Variants in DPP10 observed in about 807,000 individuals in gnomAD.
The protein encoded by DPP10 is dipeptidyl peptidase like 10, also known as inactive dipeptidyl peptidase 10.
In DPP10, 33 loss-of-function variants were observed where a neutral mutation model predicts 120.9. The observed-to-expected ratio is 0.27, with a 90% CI of 0.21 to 0.37. The LOEUF (loss-of-function observed/expected upper bound fraction) is 0.37, where lower values mean the gene tolerates loss of function less well. DPP10 is among the 10% of genes least tolerant of loss of function. The pLI is 1.00. For missense variants in DPP10, 816 were observed against 942.8 expected (o/e 0.87, Z 1.76); for synonymous variants, 337 against 326.1 (o/e 1.03, Z -0.36).
At chr2:115,323,750 G>C (rs906300866) in intron 2 of DPP10, among the ~76,000 whole-genome samples, 1 of 152,154 alleles carries the variant, frequency 6.6e-6, no homozygotes, top group Non-Finnish European at 1.5e-5. Context: ...GGGTAACCAG[G>C]TGTATTGTCA....
chr2:115,020,790 T>C (rs1050145505), intron 1 of DPP10, among the ~76,000 whole-genome samples: 1 of 152,076 alleles, frequency 6.6e-6, no homozygotes, highest in Non-Finnish European at 1.5e-5. Context: ...TCACAGTAAA[T>C]TTAAGAAAAC....
intron 1 of DPP10, among the ~76,000 whole-genome samples, chr2:115,022,645 A>G (rs189429274): frequency 7.6e-4 from 115 of 152,176 alleles, no homozygotes; most frequent in African/African-American, 2.2e-3. Flanking sequence ...AACTAGAAAA[A>G]ACAACCCTAA....
chr2:114,962,673 G>A (rs549651857), intron 1 of DPP10, among the ~76,000 whole-genome samples: 4 of 152,278 alleles, frequency 2.6e-5, no homozygotes, highest in East Asian at 1.9e-4. Context: ...AAGTAACCAC[G>A]GCCTATCTCA....
At chr2:114,882,812 T>C (rs1208459172) in intron 1 of DPP10, among the ~76,000 whole-genome samples, 1 of 152,028 alleles carries the variant, frequency 6.6e-6, no homozygotes, top group Non-Finnish European at 1.5e-5. Context: ...AAGCCAAGAC[T>C]AGGAAAAATA....
intron 1 of DPP10, among the ~76,000 whole-genome samples, chr2:114,844,512 A>G (rs1688398575): frequency 6.6e-6 from 1 of 151,868 alleles, no homozygotes; most frequent in Non-Finnish European, 1.5e-5. Context: ...TGTTATTTGT[A>G]TATATTTGCA....
At chr2:115,402,128 A>T (rs2068114983) in intron 3 of DPP10, among the ~76,000 whole-genome samples, 1 of 152,174 alleles carries the variant, frequency 6.6e-6, no homozygotes, top group South Asian at 2.1e-4. Flanking sequence ...TTAAGACTTC[A>T]GATGTTTCAC....
intron 5 of DPP10, among the ~76,000 whole-genome samples, chr2:115,571,782 C>A (rs1240660469): frequency 1.3e-5 from 2 of 151,132 alleles, no homozygotes; most frequent in Admixed American, 6.6e-5. Flanking sequence ...CAAAAATCAC[C>A]CATAGTCTCA....
intron 1 of DPP10, among the ~76,000 whole-genome samples, chr2:114,680,841 C>T (rs1698979407): frequency 6.6e-6 from 1 of 151,882 alleles, no homozygotes; most frequent in South Asian, 2.1e-4. Context: ...CTAGAAAAAC[C>T]ATGTGACTAA....
rs547211837 is a variant in DPP10 at position 114,731,934 on chromosome 2, A to T, written c.60+289096A>T. Among the ~76,000 whole-genome samples the T allele has an allele frequency of 1.2e-4, 18 of 152,258 alleles. No homozygotes were observed. The South Asian group carries it at 3.7e-3, about 32-fold the overall frequency. On this transcript the variant is annotated intron_variant, in intron 1 of 25. Transcript: ENST00000410059. ...CATGTGGAGTATGGGACTCAGTAGG[A>T]TGAGCCTGGTCAATTGTTATCTATT...
chr2:114,870,085 C>T (rs758175185), intron 1 of DPP10, among the ~76,000 whole-genome samples: 1 of 152,142 alleles, frequency 6.6e-6, no homozygotes, highest in Non-Finnish European at 1.5e-5. Context: ...CTGGTTCTCT[C>T]ACTATACTTG....
intron 1 of DPP10, among the ~76,000 whole-genome samples, chr2:115,271,016 T>C (rs1359479189): frequency 6.6e-6 from 1 of 152,202 alleles, no homozygotes; most frequent in Non-Finnish European, 1.5e-5. Context: ...GACCAGTACC[T>C]TCAAAACTAG....
chr2:115,131,484 G>C (rs545863527), intron 1 of DPP10, among the ~76,000 whole-genome samples: 31 of 152,256 alleles, frequency 2.0e-4, no homozygotes, highest in African/African-American at 7.5e-4. Flanking sequence ...CTGTGCACCT[G>C]CCTGGGCCAT....
intron 19 of DPP10, among the ~76,000 whole-genome samples, chr2:115,804,917 C>G (rs1476565186): frequency 6.6e-6 from 1 of 152,226 alleles, no homozygotes; most frequent in Non-Finnish European, 1.5e-5. Context: ...GTTCTCAGAT[C>G]TCAAGCTGCA....
intron 4 of DPP10, among the ~76,000 whole-genome samples, chr2:115,521,307 A>C (rs555198524): frequency 6.6e-6 from 1 of 152,308 alleles, no homozygotes; most frequent in African/African-American, 2.4e-5. Flanking sequence ...CGTGGAACAT[A>C]AACTTTCATC....
intron 1 of DPP10, among the ~76,000 whole-genome samples, chr2:114,494,267 A>G (rs929838101): frequency 1.3e-5 from 2 of 152,182 alleles, no homozygotes; most frequent in Non-Finnish European, 2.9e-5. Flanking sequence ...TAAAATGGGA[A>G]TAATAATATT....
chr2:115,710,890 T>C (rs1439529863), intron 7 of DPP10, among the ~76,000 whole-genome samples: 4 of 152,058 alleles, frequency 2.6e-5, no homozygotes, highest in Non-Finnish European at 4.4e-5. Flanking sequence ...TTCAATAATA[T>C]AGTTAATAAA....
At chr2:115,397,078 T>C (rs2067736702) in intron 3 of DPP10, among the ~76,000 whole-genome samples, 1 of 152,244 alleles carries the variant, frequency 6.6e-6, no homozygotes, top group Non-Finnish European at 1.5e-5. Context: ...CCTTAGATAG[T>C]TTAAGATGAA....
chr2:115,425,790 A>C (rs1026387921), intron 3 of DPP10, among the ~76,000 whole-genome samples: 1 of 152,182 alleles, frequency 6.6e-6, no homozygotes, highest in African/African-American at 2.4e-5. Context: ...GGATCTGCAG[A>C]GTGTACAAGC....
At chr2:115,335,191 G>A (rs1215321568) in intron 2 of DPP10, among the ~76,000 whole-genome samples, 1 of 151,928 alleles carries the variant, frequency 6.6e-6, no homozygotes, top group Non-Finnish European at 1.5e-5. Flanking sequence ...AACAGTGAAG[G>A]AAAGACCTGA....
Sources: allele counts gnomAD v4.1 joint callset (sites outside exome capture counted in the v4.1 genomes callset), GRCh38; gene constraint gnomAD v4.1.1; transcripts MANE v1.5; gene names NCBI Gene and HGNC (gene_info 2026-07-23, HGNC 2026-07-21).